The following CHKA variants were observed in gnomAD, a reference collection of about 807,000 sequenced individuals.
CHKA encodes the protein CHETK-alpha.
CHKA carries 34 observed loss-of-function variants against 60.1 expected under a neutral mutation model. That is an observed-to-expected ratio of 0.57 (90% CI 0.43 to 0.75). The LOEUF (loss-of-function observed/expected upper bound fraction) is 0.75. CHKA is among the 30% of genes least tolerant of loss of function. The probability of loss-of-function intolerance (pLI) is 0.00; values close to 1 mark genes in which losing one functional copy is unlikely to be tolerated. For missense variants in CHKA, 563 were observed against 561.3 expected, an observed-to-expected ratio of 1.00 and a Z score of -0.03; for synonymous variants, 217 against 223.1, an observed-to-expected ratio of 0.97 and a Z score of 0.24.
chr11:68,057,836 G>A (rs1321274155), intron 11 of CHKA, among the ~76,000 whole-genome samples: 1 of 152,120 alleles, frequency 6.6e-6, no homozygotes, highest in African/African-American at 2.4e-5. Flanking sequence ...TGAGTACCAG[G>A]TGATTATATA....
Position 68,070,234 on chromosome 11 carries a change from T to C in CHKA, c.824A>G (p.His275Arg), listed in dbSNP as rs377363970. The change falls in exon 6 of 12, where the codon CAC (histidine) becomes CGC (arginine). Residue 275 changes from histidine to arginine, a missense_variant. Transcript: ENST00000265689. Reference sequence around the variant, plus strand: ...GGGCAGATTGTAACTGAGCAATTTGTGGAGCTTTTTAATTCTGGATTCCTC... The same window carrying C: ...GGGCAGATTGTAACTGAGCAATTTGCGGAGCTTTTTAATTCTGGATTCCTC... ...FTEESRIKKLHKLLSYNLPLE... is the reference protein window; with the variant it reads ...FTEESRIKKLRKLLSYNLPLE... 2.0e-5 allele frequency: 33 copies of C among 1,614,062 alleles called. No homozygotes were observed. Among genetic ancestry groups the C allele is most frequent in the Non-Finnish European group, 2.5e-5 (30 of 1,180,000 alleles).
intron 1 of CHKA, among the ~76,000 whole-genome samples, chr11:68,101,445 C>T (rs1033825043): frequency 6.6e-6 from 1 of 152,050 alleles, no homozygotes; most frequent in East Asian, 1.9e-4. Context: ...ACTATGAGAA[C>T]TAATAAGTTC....
chr11:68,068,912 G>C lies in CHKA; in HGVS notation c.895C>G (p.Pro299Ala). Reference sequence around the variant, plus strand: ...CAGTCATTATGACAAAATACAACTGGAGATGGAGTAGATTCAAGCAATGAT... The same window carrying C: ...CAGTCATTATGACAAAATACAACTGCAGATGGAGTAGATTCAAGCAATGAT... Reference protein sequence around the residue: ...LRSLLESTPSPVVFCHNDCQE... With the variant: ...LRSLLESTPSAVVFCHNDCQE... The change falls in exon 7 of 12, where the codon CCA becomes GCA. Residue 299 changes from proline (P) to alanine (A), a missense_variant. Pro to Ala is a conservative substitution (Grantham distance 27). Coordinates refer to ENST00000265689, the MANE Select transcript of CHKA (RefSeq NM_001277.3). 1.2e-6 allele frequency: 2 copies of C among 1,612,622 alleles called. No homozygotes were observed. The highest frequency in any genetic ancestry group is 1.7e-6 in the Non-Finnish European group (2 of 1,179,196).
At chr11:68,060,637 T>C (rs1240936880) in intron 11 of CHKA, among the ~76,000 whole-genome samples, 2 of 152,248 alleles carry the variant, frequency 1.3e-5, no homozygotes, top group East Asian at 3.8e-4. Context: ...ATCGTGAATC[T>C]GCCATTTTCT....
rs145604391 is a variant in CHKA, at chr11:68,092,370, A to AT, written c.462+4648dup. Reference sequence around the variant, plus strand: ...TTGTAGACCATAAATATCTCCTTCCATTATAGGCCAGATTCATTCTAAAGA... The same window carrying AT: ...TTGTAGACCATAAATATCTCCTTCCATTTATAGGCCAGATTCATTCTAAAGA... On this transcript the variant is annotated intron_variant, in intron 2 of 11. Coordinates refer to ENST00000265689, the MANE Select transcript of CHKA (RefSeq NM_001277.3). Among the ~76,000 whole-genome samples, 1,014 of 152,270 alleles carry AT rather than the reference A, an allele frequency of 6.7e-3. 14 individuals carry two copies. Among genetic ancestry groups the AT allele is most frequent in the African/African-American group, 0.024 (984 of 41,536 alleles).
rs188429434 is a variant in CHKA, at chr11:68,101,860, G to A, written c.351-4730C>T. ...GACGCCTGTAATCCCAACACTTTGG[G>A]AGGCTGAGGTGGGCTGATCACCTGA... On this transcript the variant is annotated intron_variant, in intron 1 of 11. Transcript: ENST00000265689. Among the ~76,000 whole-genome samples, 8 of 152,246 alleles carry A rather than the reference G, an allele frequency of 5.3e-5. No homozygotes were observed. In the East Asian group the frequency reaches 1.5e-3, roughly 29 times the overall value.
intron 7 of CHKA, 142 bp from the exon 8 acceptor site, chr11:68,066,658 T>A (rs2134521651): frequency 1.5e-6 from 1 of 686,254 alleles, no homozygotes; most frequent in Non-Finnish European, 2.5e-6. Flanking sequence ...CACCAGGGCC[T>A]AGACAGAGCG....
intron 4 of CHKA, among the ~76,000 whole-genome samples, chr11:68,073,953 G>A (rs980680445): frequency 5.9e-5 from 9 of 152,134 alleles, no homozygotes; most frequent in Non-Finnish European, 1.2e-4. Context: ...TGACAAAGAC[G>A]AGCATTGCCA....
chr11:68,079,500 T>C (rs542278900), intron 3 of CHKA, among the ~76,000 whole-genome samples: 1 of 152,132 alleles, frequency 6.6e-6, no homozygotes, highest in South Asian at 2.1e-4. Flanking sequence ...TGGCTAATTT[T>C]TTTTGTATTT....
intron 6 of CHKA, 63 bp from the exon 7 acceptor site, chr11:68,069,000 T>C (rs866633404): frequency 1.5e-6 from 2 of 1,304,584 alleles, no homozygotes; most frequent in East Asian, 4.7e-5. Context: ...CAGTCTTGCT[T>C]TCTCCACATG....
At chr11:68,091,459 T>C (rs1182386766) in intron 2 of CHKA, among the ~76,000 whole-genome samples, 1 of 152,230 alleles carries the variant, frequency 6.6e-6, no homozygotes, top group East Asian at 1.9e-4. Flanking sequence ...AAAGGACCCA[T>C]TCTTGACCTT....
chr11:68,068,293 A>T (rs1442964891), intron 7 of CHKA, among the ~76,000 whole-genome samples: 5 of 151,566 alleles, frequency 3.3e-5, no homozygotes, highest in Non-Finnish European at 5.9e-5. Context: ...TTTTCAGGTT[A>T]AAAAAAAATC....
At chr11:68,081,559 G>A in intron 2 of CHKA, 102 bp from the exon 3 acceptor site, 2 of 903,158 alleles carry the variant, frequency 2.2e-6, no homozygotes, top group Non-Finnish European at 3.6e-6. Flanking sequence ...AAACATCACA[G>A]GTCTTTAAGG....
intron 2 of CHKA, among the ~76,000 whole-genome samples, chr11:68,088,387 C>T (rs1226665760): frequency 1.3e-5 from 2 of 152,058 alleles, no homozygotes; most frequent in South Asian, 2.1e-4. Flanking sequence ...CCTGTGGCTT[C>T]GGAGACCCTT....
At chr11:68,085,357 G>A (rs1273691171) in intron 2 of CHKA, among the ~76,000 whole-genome samples, 1 of 151,946 alleles carries the variant, frequency 6.6e-6, no homozygotes, top group Non-Finnish European at 1.5e-5. Flanking sequence ...CCAAGTAGCA[G>A]GACCACAGGC....
At chr11:68,079,338 TTTTTC>T (rs1221148960) in intron 3 of CHKA, among the ~76,000 whole-genome samples, 2 of 150,636 alleles carry the variant, frequency 1.3e-5, no homozygotes, top group African/African-American at 2.4e-5. Context: ...TACTATTTTT[TTTTTC>T]TTTTGAGTCG....
At chr11:68,083,685 AGTGGTAGT>A (rs1857061613) in intron 2 of CHKA, among the ~76,000 whole-genome samples, 1 of 152,092 alleles carries the variant, frequency 6.6e-6, no homozygotes, top group Non-Finnish European at 1.5e-5. Flanking sequence ...TGGCACTATA[AGTGGTAGT>A]AAATCCATGA....
chr11:68,061,605 C>A, intron 11 of CHKA: 1 of 397,634 alleles, frequency 2.5e-6, no homozygotes, highest in Non-Finnish European at 5.1e-6. Context: ...CTTACTGTCC[C>A]GTGTCAGAAG....
At position 68,079,598 on chromosome 11, in the gene CHKA, T is replaced by C. The variant is rs113461666; in HGVS notation, c.516+1806A>G. Among the ~76,000 whole-genome samples the C allele has an allele frequency of 3.2e-3, 485 of 152,330 alleles. 2 individuals are homozygous for C. Among genetic ancestry groups the C allele is most frequent in the African/African-American group, 0.011 (452 of 41,582 alleles). On this transcript the variant is annotated intron_variant, in intron 3 of 11. Coordinates refer to ENST00000265689, the MANE Select transcript of CHKA (RefSeq NM_001277.3). ...CACCCACCTTGGCCTCCCAAAGTGC[T>C]AGGATTACGGCGTGAGCCACCATGC...
Sources: allele counts gnomAD v4.1 joint callset (sites outside exome capture counted in the v4.1 genomes callset), GRCh38; gene constraint gnomAD v4.1.1; transcripts MANE v1.5; gene names NCBI Gene and HGNC (gene_info 2026-07-23, HGNC 2026-07-21).